LSP1: variants seen among roughly 807,000 people sequenced by gnomAD.
The protein encoded by LSP1 is lymphocyte specific protein 1.
A neutral mutation model predicts 49.3 loss-of-function variants in LSP1; 32 were observed. The ratio of observed to expected loss-of-function variants is 0.65; its 90% confidence interval spans 0.49 to 0.87. The LOEUF (loss-of-function observed/expected upper bound fraction) is 0.87. LSP1 is among the 40% of genes least tolerant of loss of function. The pLI is 0.00. For missense variants in LSP1, 428 were observed against 442.6 expected, an observed-to-expected ratio of 0.97 and a Z score of 0.30; for synonymous variants, 179 against 178.8, an observed-to-expected ratio of 1.00 and a Z score of -0.01.
At chr11:1,889,242 T>C in intron 10 of LSP1, 1 of 674,078 alleles carries the variant, frequency 1.5e-6, no homozygotes, top group Non-Finnish European at 2.8e-6. Context: ...CCGGGTGGCC[T>C]CCTGCAGCTT....
At chr11:1,876,466 G>C in intron 1 of LSP1, 1 of 985,644 alleles carries the variant, frequency 1.0e-6, no homozygotes, top group Non-Finnish European at 1.2e-6. Context: ...CGCAGCCCTT[G>C]CTCTTCACCA....
At chr11:1,878,005 A>G (rs1347889127) in intron 1 of LSP1, among the ~76,000 whole-genome samples, 1 of 151,926 alleles carries the variant, frequency 6.6e-6, no homozygotes, top group Non-Finnish European at 1.5e-5. Flanking sequence ...CGCCTCCCCT[A>G]TGGCTTGGTG....
chr11:1,864,048 G>C, intron 1 of LSP1: 1 of 288,704 alleles, frequency 3.5e-6, no homozygotes, highest in Non-Finnish European at 5.1e-6. Flanking sequence ...AGGAGCGGGG[G>C]AGAGGGGAGG....
Position 1,884,701 on chromosome 11 carries a change from C to A in LSP1, c.717+120C>A. On this transcript the variant is annotated intron_variant, in intron 7 of 10. Coordinates refer to ENST00000311604, the MANE Select transcript of LSP1 (RefSeq NM_002339.3). This position sits in a 1 kb window ranked among gnomAD's most constrained non-coding sequence, Gnocchi z 4.1. The stretch of plus-strand genomic sequence containing the variant: ...TTATTCAACCAACACCCTATCCAAC[C>A]AATGCTTCTCCATCCAGTCAGTGCC... The A allele has an allele frequency of 1.3e-6, 1 of 764,300 alleles. No individual in the cohort carries two copies. The highest frequency in any genetic ancestry group is 2.2e-6 in the Non-Finnish European group (1 of 454,000). 47.3% of individuals were successfully genotyped at this position (764,300 alleles called of 1,614,324 possible). A position where few individuals can be genotyped will look rare whatever the true frequency, so the allele number is the denominator to read the frequency against.
chr11:1,861,890 G>A (rs1847647006), intron 1 of LSP1, among the ~76,000 whole-genome samples: 1 of 140,154 alleles, frequency 7.1e-6, no homozygotes, highest in Non-Finnish European at 1.5e-5. Flanking sequence ...TGGATGAATA[G>A]ATGGATGGGT....
At chr11:1,882,167 T>C (rs1424613207) in intron 3 of LSP1, among the ~76,000 whole-genome samples, 3 of 152,164 alleles carry the variant, frequency 2.0e-5, no homozygotes, top group African/African-American at 7.2e-5. Context: ...CAGGGGCTGC[T>C]CCCGAGCCCC....
At chr11:1,855,697 G>A (rs375747943) in intron 1 of LSP1, among the ~76,000 whole-genome samples, 1 of 152,338 alleles carries the variant, frequency 6.6e-6, no homozygotes, top group Non-Finnish European at 1.5e-5. Context: ...CCACTCGGGG[G>A]CACTCCTGTC....
chr11:1,862,077 G>A (rs904476708), intron 1 of LSP1, among the ~76,000 whole-genome samples: 2 of 151,878 alleles, frequency 1.3e-5, no homozygotes. Flanking sequence ...GTGGATGGAC[G>A]GATGCATGGA....
At chr11:1,867,869 T>C (rs1415249115) in intron 1 of LSP1, among the ~76,000 whole-genome samples, 2 of 135,800 alleles carry the variant, frequency 1.5e-5, no homozygotes, top group African/African-American at 2.7e-5. Context: ...CTACACCCAG[T>C]GCAAGCCCAG....
chr11:1,873,864 G>GGCAGAGGAGGGAGCCCA, intron 1 of LSP1, among the ~76,000 whole-genome samples: 3 of 135,708 alleles, frequency 2.2e-5, no homozygotes, highest in African/African-American at 8.7e-5. Flanking sequence ...GAGGGAGGCT[G>GGCAGAGGAGGGAGCCCA]GCAGAGGAGG....
intron 7 of LSP1, among the ~76,000 whole-genome samples, chr11:1,886,383 T>C (rs1355694402): frequency 1.3e-5 from 2 of 152,054 alleles, no homozygotes; most frequent in African/African-American, 4.8e-5. Context: ...TCAATGCTCC[T>C]CCATCCAACC....
chr11:1,879,722 G>A (rs1302515592), intron 1 of LSP1, among the ~76,000 whole-genome samples: 1 of 152,220 alleles, frequency 6.6e-6, no homozygotes, highest in African/African-American at 2.4e-5. Context: ...CTAGGTCCTG[G>A]TTCTACTTAG....
chr11:1,878,836 G>A lies in LSP1; in HGVS notation c.54-1251G>A, dbSNP rs780171753. On this transcript the variant is annotated intron_variant, in intron 1 of 10. Transcript: ENST00000311604. Reference sequence around the variant, plus strand: ...ACCCTGGACCCCCTCTCAGGCTCTAGGAGGGCGATGGGAGGCAGGGCCATG... The same window carrying A: ...ACCCTGGACCCCCTCTCAGGCTCTAAGAGGGCGATGGGAGGCAGGGCCATG... Among the ~76,000 whole-genome samples, 39 of 152,088 alleles carry A rather than the reference G, an allele frequency of 2.6e-4. 1 individual carries two copies. Among genetic ancestry groups the A allele is most frequent in the Admixed American group, 5.2e-4 (8 of 15,282 alleles).
At chr11:1,888,794 C>A (rs188495247) in intron 10 of LSP1, 139 of 235,620 alleles carry the variant, frequency 5.9e-4, no homozygotes, top group Middle Eastern at 2.6e-3. Context: ...GAGGCCCAGG[C>A]CCCTGAGGAG....
chr11:1,866,793 T>G, intron 1 of LSP1: 1 of 1,550,338 alleles, frequency 6.5e-7, no homozygotes. Flanking sequence ...GAGAAGGAAG[T>G]GCAGCCCCCG....
chr11:1,883,321 C>A, intron 3 of LSP1, 98 bp from the exon 4 acceptor site: 1 of 1,473,388 alleles, frequency 6.8e-7, no homozygotes. Flanking sequence ...TGACTACCTT[C>A]ATTTTACAGA....
chr11:1,860,352 G>A (rs1051137211), intron 1 of LSP1, among the ~76,000 whole-genome samples: 25 of 152,044 alleles, frequency 1.6e-4, no homozygotes, highest in Admixed American at 2.0e-4. Context: ...TGCATGGATC[G>A]ATGGACAGGT....
intron 1 of LSP1, among the ~76,000 whole-genome samples, chr11:1,860,641 C>A (rs910457829): frequency 2.6e-5 from 4 of 152,114 alleles, no homozygotes; most frequent in African/African-American, 9.7e-5. Context: ...AAATATGAAT[C>A]TACTGGAATG....
chr11:1,889,503 C>A (rs187838363), intron 10 of LSP1: 2 of 617,648 alleles, frequency 3.2e-6, no homozygotes, highest in African/African-American at 1.9e-5. Context: ...CAGGCTCTGC[C>A]GCGGCTCTGG....
Sources: gnomAD v4.1 joint callset for allele counts (sites outside exome capture counted in the v4.1 genomes callset) on GRCh38, gnomAD v4.1.1 for gene constraint, Gnocchi (gnomAD v3.1) non-coding constraint, MANE v1.5 for transcripts, NCBI Gene and HGNC (gene_info 2026-07-23, HGNC 2026-07-21) for gene names.